Variants in LIPA observed in about 807,000 individuals in gnomAD.
LIPA encodes lipase A, lysosomal acid type.
LIPA carries 26 observed loss-of-function variants against 40.6 expected under a neutral mutation model. That is an observed-to-expected ratio of 0.64 (90% CI 0.47 to 0.89). The LOEUF is 0.89. Among genes scored for constraint, LIPA ranks in the 40% least tolerant of loss-of-function variants. The probability of loss-of-function intolerance (pLI) is 0.00; values close to 1 mark genes in which losing one functional copy is unlikely to be tolerated. For missense variants in LIPA, 455 were observed against 479.6 expected (o/e 0.95, Z 0.48); for synonymous variants, 188 against 168.4 (o/e 1.12, Z -0.90).
chr10:89,359,750 G>A lies in LIPA; in HGVS notation c.61+53041C>T, dbSNP rs557322333. Among the ~76,000 whole-genome samples the A allele has an allele frequency of 1.2e-4, 19 of 152,088 alleles. No homozygotes were observed. The East Asian group carries it at 2.3e-3, about 19-fold the overall frequency. ...ACGTGTCACCTAATGGTTGATGGGCGTCTTCCTCTCACCCATCCACTGAAG... is the reference window on the plus strand; with the variant it reads ...ACGTGTCACCTAATGGTTGATGGGCATCTTCCTCTCACCCATCCACTGAAG... On this transcript the variant is annotated intron_variant, in intron 2 of 8. Transcript: ENST00000371837.
At chr10:89,315,918 A>AT (rs937189625) in intron 1 of LIPA, among the ~76,000 whole-genome samples, 51 of 151,438 alleles carry the variant, frequency 3.4e-4, no homozygotes, top group African/African-American at 5.6e-4. Context: ...CAAAACTACT[A>AT]TTTTTTTTTA....
chr10:89,232,352 T>C (rs1344901338), intron 3 of LIPA, among the ~76,000 whole-genome samples: 1 of 152,190 alleles, frequency 6.6e-6, no homozygotes, highest in Non-Finnish European at 1.5e-5. Flanking sequence ...TAAGGTGACT[T>C]GACTTTGAAA....
At chr10:89,407,520 G>A (rs1466692733) in intron 2 of LIPA, among the ~76,000 whole-genome samples, 1 of 152,166 alleles carries the variant, frequency 6.6e-6, no homozygotes, top group Non-Finnish European at 1.5e-5. Flanking sequence ...AGACAAGCAG[G>A]CCTAACAAAA....
At chr10:89,314,240 T>C (rs1033073442) in intron 1 of LIPA, among the ~76,000 whole-genome samples, 2 of 152,230 alleles carry the variant, frequency 1.3e-5, no homozygotes, top group South Asian at 4.1e-4. Context: ...TCTGGTCCCA[T>C]CTGATTTTAT....
chr10:89,247,622 C>T lies in LIPA; in HGVS notation c.27G>A (p.Val9=), dbSNP rs768712010. The T allele has an allele frequency of 6.2e-7, 1 of 1,612,612 alleles. No homozygotes were observed. The highest frequency in any genetic ancestry group is 8.5e-7 in the Non-Finnish European group (1 of 1,178,818). ...GCAGGGTCCAGAGAACCAAACAGAC[C>T]ACCAACCCCAAGAACCGCATTTTCA... is the stretch of plus-strand genomic sequence containing the variant. The part of the protein sequence containing the change: MKMRFLGL[V]VCLVLWTLHS... The change falls in exon 2 of 10, where the codon GTG becomes GTA. Residue 9 remains valine (V), a synonymous_variant. Transcript: ENST00000336233.
At chr10:89,260,942 C>T (rs1295264952) in intron 1 of LIPA, among the ~76,000 whole-genome samples, 6 of 152,198 alleles carry the variant, frequency 3.9e-5, no homozygotes. Flanking sequence ...TGCTGGGCTT[C>T]TCAGTCAGTT....
chr10:89,411,289 GA>G (rs146270257), intron 2 of LIPA, among the ~76,000 whole-genome samples: 13 of 147,586 alleles, frequency 8.8e-5, no homozygotes, highest in African/African-American at 2.7e-4. Context: ...GGCAATTAAG[GA>G]AAAAAAAAAC....
chr10:89,286,399 A>C (rs1449547464), intron 1 of LIPA, among the ~76,000 whole-genome samples: 2 of 151,558 alleles, frequency 1.3e-5, no homozygotes, highest in African/African-American at 4.9e-5. Context: ...CCCACCCTAT[A>C]ATCCTTCTAT....
At chr10:89,390,627 C>T (rs1262039953) in intron 2 of LIPA, among the ~76,000 whole-genome samples, 3 of 152,150 alleles carry the variant, frequency 2.0e-5, no homozygotes, top group South Asian at 2.1e-4. Flanking sequence ...CACACACGCG[C>T]GCGATTGGCT....
chr10:89,247,065 T>G (rs1175870067), intron 2 of LIPA, among the ~76,000 whole-genome samples: 1 of 152,136 alleles, frequency 6.6e-6, no homozygotes, highest in Non-Finnish European at 1.5e-5. Flanking sequence ...CCTAGCAAAT[T>G]GAATCTAAGA....
intron 1 of LIPA, among the ~76,000 whole-genome samples, chr10:89,269,838 T>C (rs1056281266): frequency 2.6e-5 from 4 of 152,246 alleles, no homozygotes; most frequent in African/African-American, 4.8e-5. Context: ...TTTTTAGTAA[T>C]GAATCTGCAG....
chr10:89,411,109 G>A (rs184309839), intron 2 of LIPA, among the ~76,000 whole-genome samples: 33 of 152,352 alleles, frequency 2.2e-4, no homozygotes, highest in Admixed American at 1.1e-3. Flanking sequence ...AAACAAGGGC[G>A]TAGCCTGAAA....
At chr10:89,275,158 G>A (rs983871918) in intron 1 of LIPA, among the ~76,000 whole-genome samples, 6 of 152,162 alleles carry the variant, frequency 3.9e-5, no homozygotes, top group African/African-American at 1.4e-4. Context: ...TGATTTAGAG[G>A]GTGGAAAAGA....
chr10:89,307,164 A>G (rs779912064), intron 1 of LIPA: 1 of 1,614,046 alleles, frequency 6.2e-7, no homozygotes, highest in Non-Finnish European at 8.5e-7. Flanking sequence ...AAAATAAACC[A>G]GAAATCAAGG....
rs374885282 is a variant in LIPA at position 89,338,647 on chromosome 10, T to G, written c.-2+3964A>C. On this transcript the variant is annotated intron_variant, in intron 1 of 5. Transcript: ENST00000282673. ...CAGTGTACATCACAGTGACCATGTT[T>G]ATTTTCTCCACAGTGAGGTCACCAA... The G allele has an allele frequency of 6.2e-6, 10 of 1,601,978 alleles. No individual in the cohort carries two copies. In the African/African-American group the frequency reaches 1.1e-4, roughly 17 times the overall value.
chr10:89,379,170 G>T (rs1028476899), intron 2 of LIPA, among the ~76,000 whole-genome samples: 1 of 152,174 alleles, frequency 6.6e-6, no homozygotes, highest in East Asian at 1.9e-4. Context: ...TGTGATTACT[G>T]TGAAACTATG....
chr10:89,370,884 G>C (rs548442368), intron 2 of LIPA, among the ~76,000 whole-genome samples: 4 of 152,222 alleles, frequency 2.6e-5, no homozygotes, highest in African/African-American at 9.6e-5. Flanking sequence ...TGGGCATGCT[G>C]GTGGGCACCT....
chr10:89,372,929 T>C (rs1485194521), intron 2 of LIPA, among the ~76,000 whole-genome samples: 1 of 152,188 alleles, frequency 6.6e-6, no homozygotes, highest in Non-Finnish European at 1.5e-5. Context: ...CTATGAAATA[T>C]CTTGAGTCTA....
intron 7 of LIPA, 88 bp from the exon 8 acceptor site, chr10:89,222,670 TA>T: frequency 1.2e-6 from 1 of 867,792 alleles, no homozygotes. Flanking sequence ...TTCAAAGCAC[TA>T]AAAACTAGAG....
Sources: gnomAD v4.1 joint callset for allele counts (sites outside exome capture counted in the v4.1 genomes callset) on GRCh38, gnomAD v4.1.1 for gene constraint, MANE v1.5 for transcripts, NCBI Gene and HGNC (gene_info 2026-07-23, HGNC 2026-07-21) for gene names.